PBX1: variants seen among roughly 807,000 people sequenced by gnomAD.
PBX1 encodes the protein PBX homeobox 1, also known as pre-B-cell leukemia transcription factor 1.
Under a neutral mutation model 53.4 loss-of-function variants are expected in PBX1, and 6 were observed. The observed-to-expected ratio is 0.11, with a 90% CI of 0.06 to 0.22. The LOEUF is 0.22. Ranked by LOEUF, PBX1 falls within the 10% of genes least tolerant of loss-of-function variation. The pLI, the probability that PBX1 is intolerant of heterozygous loss-of-function variation, is 1.00. For missense variants in PBX1, 251 were observed against 551.4 expected, an observed-to-expected ratio of 0.46 and a Z score of 5.46; for synonymous variants, 204 against 212.3, an observed-to-expected ratio of 0.96 and a Z score of 0.34.
At chr1:164,816,852 A>C (rs897311747) in intron 6 of PBX1, 4 of 151,632 alleles carry the variant, frequency 2.6e-5, no homozygotes, top group African/African-American at 9.7e-5. Flanking sequence ...TTTTGCTTTT[A>C]ATTTTTTTGT....
At chr1:164,641,211 AG>A (rs1339307908) in intron 2 of PBX1, 4 of 153,174 alleles carry the variant, frequency 2.6e-5, no homozygotes, top group Admixed American at 2.0e-4. Context: ...TACTGATTTT[AG>A]TGTTGTCCTT....
At chr1:164,593,623 G>A (rs1257319976) in intron 2 of PBX1, among the ~76,000 whole-genome samples, 4 of 102,740 alleles carry the variant, frequency 3.9e-5, no homozygotes, top group African/African-American at 1.5e-4. Flanking sequence ...GGTTGTGGCG[G>A]CGGGGTGGGG....
At chr1:164,703,082 G>T (rs951558185) in intron 2 of PBX1, 4 of 152,062 alleles carry the variant, frequency 2.6e-5, no homozygotes, top group African/African-American at 4.8e-5. Context: ...TCACAGGCTC[G>T]ATCCCACCAT....
chr1:164,867,106 G>A (rs1372617367), intron 2 of PBX1, among the ~76,000 whole-genome samples: 1 of 152,158 alleles, frequency 6.6e-6, no homozygotes, highest in Admixed American at 6.5e-5. Flanking sequence ...GCACAAGCTT[G>A]GTACCCAGAC....
intron 2 of PBX1, among the ~76,000 whole-genome samples, chr1:164,747,921 A>G (rs1665981585): frequency 6.6e-6 from 1 of 152,118 alleles, no homozygotes; most frequent in Non-Finnish European, 1.5e-5. Flanking sequence ...ACATTTTTTA[A>G]TCCACCTCCC....
intron 2 of PBX1, among the ~76,000 whole-genome samples, chr1:164,741,078 C>T (rs1005087312): frequency 8.5e-5 from 13 of 152,212 alleles, no homozygotes; most frequent in African/African-American, 3.1e-4. Context: ...TGCCTTGGCA[C>T]TATGTAGGAT....
chr1:164,825,912 TA>T (rs34668642), intron 8 of PBX1, among the ~76,000 whole-genome samples: 31,503 of 152,032 alleles, frequency 0.21, 3,571 homozygotes, highest in African/African-American at 0.29. Context: ...TGTAGCAACA[TA>T]ACATTGTTGT....
intron 2 of PBX1, among the ~76,000 whole-genome samples, chr1:164,635,353 A>G (rs1658693550): frequency 6.6e-6 from 1 of 152,150 alleles, no homozygotes; most frequent in African/African-American, 2.4e-5. Flanking sequence ...GAACCAGGCT[A>G]AACCACCAAA....
chr1:164,640,123 A>G (rs529424936), intron 2 of PBX1, among the ~76,000 whole-genome samples: 6 of 152,320 alleles, frequency 3.9e-5, no homozygotes, highest in African/African-American at 1.4e-4. Flanking sequence ...TTGTGACATC[A>G]GTGAATGTTC....
At chr1:164,617,533 A>G (rs1657361426) in intron 2 of PBX1, among the ~76,000 whole-genome samples, 2 of 152,212 alleles carry the variant, frequency 1.3e-5, no homozygotes, top group South Asian at 4.1e-4. Context: ...ATTGCCAAGT[A>G]AGATTGGGAG....
intron 2 of PBX1, among the ~76,000 whole-genome samples, chr1:164,780,422 C>T (rs1482303992): frequency 8.5e-5 from 13 of 152,124 alleles, no homozygotes. Context: ...AATCGGCAGT[C>T]GAGAAGCCTT....
chr1:164,616,425 A>T (rs547231627), intron 2 of PBX1, among the ~76,000 whole-genome samples: 1 of 152,344 alleles, frequency 6.6e-6, no homozygotes, highest in South Asian at 2.1e-4. Flanking sequence ...GGCTAGGCCA[A>T]ATAATAATGT....
intron 8 of PBX1, chr1:164,829,348 G>A (rs1670636715): frequency 6.6e-6 from 1 of 152,184 alleles, no homozygotes; most frequent in African/African-American, 2.4e-5. Flanking sequence ...CATAGATTTT[G>A]TGAGTGACTA....
intron 2 of PBX1, among the ~76,000 whole-genome samples, chr1:164,783,603 C>G (rs1668031794): frequency 6.6e-6 from 1 of 152,178 alleles, no homozygotes; most frequent in African/African-American, 2.4e-5. Flanking sequence ...CCAAGCACTA[C>G]TGTGTGCTTT....
chr1:164,728,318 CA>C (rs1212181485), intron 2 of PBX1, among the ~76,000 whole-genome samples: 121 of 91,178 alleles, frequency 1.3e-3, no homozygotes, highest in Middle Eastern at 6.5e-3. Flanking sequence ...CTTGTCTTAA[CA>C]AAAAAAAAAA....
At chr1:164,651,209 C>T (rs987561200) in intron 2 of PBX1, among the ~76,000 whole-genome samples, 2 of 152,086 alleles carry the variant, frequency 1.3e-5, no homozygotes, top group Non-Finnish European at 2.9e-5. Context: ...CACCCCCCTC[C>T]CCATTACCCA....
At chr1:164,823,964 T>C (rs1216005266) in intron 8 of PBX1, among the ~76,000 whole-genome samples, 1 of 151,980 alleles carries the variant, frequency 6.6e-6, no homozygotes, top group Admixed American at 6.6e-5. Context: ...TGCTAAGACA[T>C]GTGTGTATAG....
intron 2 of PBX1, among the ~76,000 whole-genome samples, chr1:164,710,406 CT>C (rs1038941095): frequency 6.6e-6 from 1 of 151,514 alleles, no homozygotes; most frequent in Non-Finnish European, 1.5e-5. Flanking sequence ...TGGTTTTTTT[CT>C]TTTTTTTCCT....
intron 2 of PBX1, among the ~76,000 whole-genome samples, chr1:164,763,229 CA>C (rs1267835425): frequency 6.6e-6 from 1 of 152,120 alleles, no homozygotes. Flanking sequence ...CCATAGACCA[CA>C]AAAAACTTAG....
Sources: allele counts gnomAD v4.1 joint callset (sites outside exome capture counted in the v4.1 genomes callset), GRCh38; gene constraint gnomAD v4.1.1; transcripts MANE v1.5; gene names NCBI Gene and HGNC (gene_info 2026-07-23, HGNC 2026-07-21).